NR1D2: variants seen among roughly 807,000 people sequenced by gnomAD.
The protein encoded by NR1D2 is V-erbA-related protein 1-related.
A neutral mutation model predicts 52.2 loss-of-function variants in NR1D2; 25 were observed. The ratio of observed to expected loss-of-function variants is 0.48; its 90% confidence interval spans 0.35 to 0.67. The LOEUF is 0.67. Ranked by LOEUF, NR1D2 falls within the 30% of genes least tolerant of loss-of-function variation. The pLI, the probability that NR1D2 is intolerant of heterozygous loss-of-function variation, is 0.01. For missense variants in NR1D2, 681 were observed against 707.2 expected, an observed-to-expected ratio of 0.96 and a Z score of 0.42; for synonymous variants, 259 against 230.1, an observed-to-expected ratio of 1.13 and a Z score of -1.14.
At chr3:23,969,574 C>T (rs551933438) in intron 7 of NR1D2, among the ~76,000 whole-genome samples, 1 of 152,320 alleles carries the variant, frequency 6.6e-6, no homozygotes, top group South Asian at 2.1e-4. Context: ...GAGTTGACAT[C>T]AGATTAATCG....
intron 1 of NR1D2, 117 bp downstream of exon 1, chr3:23,945,711 G>A (rs1705650840): frequency 1.6e-6 from 1 of 640,800 alleles, no homozygotes. Context: ...GGGGTGGGCT[G>A]CTGCGCGCCG....
chr3:23,955,004 A>G (rs1405971205), intron 2 of NR1D2, among the ~76,000 whole-genome samples: 1 of 152,220 alleles, frequency 6.6e-6, no homozygotes, highest in African/African-American at 2.4e-5. Flanking sequence ...TTCTTGCCTC[A>G]GAGCAAGACA....
chr3:23,962,502 A>G lies in NR1D2; in HGVS notation c.1043A>G (p.Asn348Ser), dbSNP rs757244330. The G allele has an allele frequency of 5.6e-6, 9 of 1,614,144 alleles. No individual in the cohort carries two copies. The highest frequency in any genetic ancestry group is 4.5e-5 in the East Asian group (2 of 44,888). The change falls in exon 5 of 8, where the codon AAT becomes AGT. Residue 348 changes from asparagine to serine, a missense_variant. Physicochemically the swap from Asn to Ser is conservative, Grantham distance 46 (BLOSUM62 1). Coordinates refer to ENST00000312521, the MANE Select transcript of NR1D2 (RefSeq NM_005126.5). ...AATGGACATTGTATGAACTTCTCCA[A>G]TGCTTATACTCAAAGAGTATGTGAT... ...IANGHCMNFS[N>S]AYTQRVCDRV...
In NR1D2 at chr3:23,946,178, A is replaced by C. The variant is rs891910375; in HGVS notation, c.16+584A>C. 3.3e-5 allele frequency: 33 copies of C among 985,096 alleles called. No homozygotes were observed. In the African/African-American group the frequency reaches 5.4e-4, roughly 16 times the overall value. The allele number at this position is 985,096 out of a possible 1,614,324, so 61.0% of individuals were successfully genotyped here. A position where few individuals can be genotyped will look rare whatever the true frequency, so the allele number is the denominator to read the frequency against. Reference sequence around the variant, plus strand: ...GGAGGCCGCGCGTGCGCGCCCGCTGAGCCCCCGCGGCGGGGCGTCCCCGAA... The same window carrying C: ...GGAGGCCGCGCGTGCGCGCCCGCTGCGCCCCCGCGGCGGGGCGTCCCCGAA... On this transcript the variant is annotated intron_variant, in intron 1 of 7. Transcript: ENST00000312521.
chr3:23,948,118 C>CAAAAAA, intron 1 of NR1D2, among the ~76,000 whole-genome samples: 1 of 135,256 alleles, frequency 7.4e-6, no homozygotes. Context: ...ACTCCCATCT[C>CAAAAAA]AAAAAAAAAA....
chr3:23,945,298 C>T lies in NR1D2; in HGVS notation c.-281C>T, dbSNP rs1226849366. On this transcript the variant is annotated 5_prime_UTR_variant, in exon 1 of 8. Coordinates refer to ENST00000312521, the MANE Select transcript of NR1D2 (RefSeq NM_005126.5). The stretch of plus-strand genomic sequence containing the variant: ...GGCTGCCCTCCCCGTCAGCCGCCCT[C>T]GCCGCCGCGGTGCGCTGGCTGCAGG... The T allele has an allele frequency of 6.4e-6, 1 of 156,042 alleles. No individual in the cohort carries two copies. Among genetic ancestry groups the T allele is most frequent in the Admixed American group, 6.5e-5 (1 of 15,374 alleles). 9.7% of individuals were successfully genotyped at this position (156,042 alleles called of 1,614,324 possible). A position where few individuals can be genotyped will look rare whatever the true frequency, so the allele number is the denominator to read the frequency against.
intron 6 of NR1D2, among the ~76,000 whole-genome samples, chr3:23,965,621 C>G (rs1194470005): frequency 6.6e-6 from 1 of 152,076 alleles, no homozygotes; most frequent in African/African-American, 2.4e-5. Context: ...ATCATCATCT[C>G]AGGATTTTGG....
Position 23,979,885 on chromosome 3 carries a change from C to A in NR1D2, c.*2466C>A, listed in dbSNP as rs1286331335. The A allele has an allele frequency of 1.3e-5, 2 of 152,104 alleles. No individual in the cohort carries two copies. Among genetic ancestry groups the A allele is most frequent in the Non-Finnish European group, 2.9e-5 (2 of 67,962 alleles). The allele number at this position is 152,104 out of a possible 1,614,324, so 9.4% of individuals were successfully genotyped here. The stretch of plus-strand genomic sequence containing the variant: ...AAGTGATGCTTTAACTTTGATTTTA[C>A]ATTTTAAAGTTAAAATGTGGGCATT... On this transcript the variant is annotated 3_prime_UTR_variant, in exon 8 of 8. Transcript: ENST00000312521.
Position 23,962,293 on chromosome 3 carries a change from C to A in NR1D2, c.834C>A (p.Ser278Arg). 2 of 1,614,156 alleles carry A rather than the reference C, an allele frequency of 1.2e-6. No individual in the cohort carries two copies. The highest frequency in any genetic ancestry group is 1.7e-6 in the Non-Finnish European group (2 of 1,180,010). Residue 278 changes from serine to arginine, a missense_variant, in exon 5 of 8, where the codon AGC (serine) becomes AGA (arginine). Ser to Arg is a moderately radical substitution (Grantham distance 110). Coordinates refer to ENST00000312521, the MANE Select transcript of NR1D2 (RefSeq NM_005126.5). ...AGCAGCAAGAAAACTCAGCTGAGAG[C>A]ATGCAGCCCCAGAGAGGAGAACGGA... ...NQEQQENSAE[S>R]MQPQRGERIP...
At chr3:23,961,602 G>A (rs1020879112) in intron 4 of NR1D2, among the ~76,000 whole-genome samples, 1 of 151,660 alleles carries the variant, frequency 6.6e-6, no homozygotes, top group Non-Finnish European at 1.5e-5. Flanking sequence ...CACCATATTG[G>A]CTAGTCTGGT....
intron 1 of NR1D2, among the ~76,000 whole-genome samples, chr3:23,949,621 C>T (rs1705870832): frequency 6.6e-6 from 1 of 152,242 alleles, no homozygotes; most frequent in African/African-American, 2.4e-5. Flanking sequence ...CCATGCTGTT[C>T]TCTGGAGCCC....
intron 1 of NR1D2, among the ~76,000 whole-genome samples, chr3:23,947,593 GCTGACT>G (rs1705781119): frequency 6.6e-6 from 1 of 152,138 alleles, no homozygotes; most frequent in South Asian, 2.1e-4. Flanking sequence ...ATGTTGCTTT[GCTGACT>G]CACAGTAACC....
At position 23,954,740 on chromosome 3, in the gene NR1D2, T is replaced by G. The variant is rs747281208; in HGVS notation, c.220T>G (p.Cys74Gly). Reference protein sequence around the residue: ...EGILKNDRIDCSMKTSKSSAP... With the variant: ...EGILKNDRIDGSMKTSKSSAP... Reference sequence around the variant, plus strand: ...CATCTTGAAGAATGATCGAATAGATTGTTCTATGAAAACAAGCAAATCGAG... The same window carrying G: ...CATCTTGAAGAATGATCGAATAGATGGTTCTATGAAAACAAGCAAATCGAG... The change falls in exon 2 of 8, where the codon TGT (cysteine) becomes GGT (glycine). Residue 74 changes from cysteine (C) to glycine (G), a missense_variant. Transcript: ENST00000312521. The G allele has an allele frequency of 2.5e-6, 4 of 1,613,986 alleles. No homozygotes were observed. The highest frequency in any genetic ancestry group is 3.4e-6 in the Non-Finnish European group (4 of 1,179,838).
rs905959985 is a variant in NR1D2, at chr3:23,977,741, A to G, written c.*322A>G. The G allele has an allele frequency of 5.0e-5, 9 of 180,330 alleles. No individual in the cohort carries two copies. The highest frequency in any genetic ancestry group is 1.2e-4 in the African/African-American group (5 of 42,652). 11.2% of individuals were successfully genotyped at this position (180,330 alleles called of 1,614,324 possible). On this transcript the variant is annotated 3_prime_UTR_variant, in exon 8 of 8. Coordinates refer to ENST00000312521, the MANE Select transcript of NR1D2 (RefSeq NM_005126.5). ...CATTTTGATCTCCCTGTGGTTATCA[A>G]TATAACGCACAATCACAAGTGTATG...
chr3:23,965,223 G>A (rs1205414639), intron 6 of NR1D2, 61 bp downstream of exon 6: 7 of 792,842 alleles, frequency 8.8e-6, no homozygotes, highest in Non-Finnish European at 1.2e-5. Context: ...TATTTTCATG[G>A]ATGTTTTAAT....
intron 1 of NR1D2, chr3:23,946,050 C>T (rs1270267719): frequency 2.1e-6 from 2 of 965,338 alleles, no homozygotes; most frequent in South Asian, 9.6e-5. Context: ...CGCGCGCTGG[C>T]TGGGAGCGCC....
intron 1 of NR1D2, among the ~76,000 whole-genome samples, chr3:23,952,605 A>G (rs1705966509): frequency 6.6e-6 from 1 of 151,846 alleles, no homozygotes; most frequent in Non-Finnish European, 1.5e-5. Flanking sequence ...GGGCGCCTGT[A>G]TTCCCAGCTA....
At chr3:23,964,903 A>T in intron 5 of NR1D2, 74 bp from the exon 6 acceptor site, 1 of 1,003,396 alleles carries the variant, frequency 1.0e-6, no homozygotes, top group Non-Finnish European at 1.5e-6. Flanking sequence ...GGTTTCTGAT[A>T]ATTGAGATGC....
At chr3:23,970,481 G>C (rs542627281) in intron 7 of NR1D2, among the ~76,000 whole-genome samples, 3 of 152,126 alleles carry the variant, frequency 2.0e-5, no homozygotes, top group Admixed American at 6.5e-5. Flanking sequence ...GAAAAAAAAG[G>C]TTATAATATC....
Sources: gnomAD v4.1 joint callset for allele counts (sites outside exome capture counted in the v4.1 genomes callset) on GRCh38, gnomAD v4.1.1 for gene constraint, MANE v1.5 for transcripts, NCBI Gene and HGNC (gene_info 2026-07-23, HGNC 2026-07-21) for gene names.